The following ARRDC2 variants were observed in gnomAD, a reference collection of about 807,000 sequenced individuals.
The protein encoded by ARRDC2 is arrestin domain-containing protein 2.
A neutral mutation model predicts 38.9 loss-of-function variants in ARRDC2; 39 were observed. The observed-to-expected ratio is 1.00, with a 90% CI of 0.78 to 1.31. ARRDC2 has a LOEUF of 1.31. Ranked by LOEUF, ARRDC2 falls within the 50% of genes most tolerant of loss-of-function variation. ARRDC2 has a pLI of 0.00. For synonymous variants in ARRDC2, 300 were observed against 261.9 expected (o/e 1.15, Z -1.41); for missense variants, 553 against 588.4 (o/e 0.94, Z 0.62).
chr19:18,003,192 G>A (rs937887981), upstream of ARRDC2, among the ~76,000 whole-genome samples: 6 of 152,078 alleles, frequency 3.9e-5, no homozygotes, highest in Admixed American at 3.3e-4. Context: ...AGGCTGAAGC[G>A]GAAGGATTGC....
chr19:18,009,515 G>C (rs2033359523), intron 3 of ARRDC2, 77 bp from the exon 4 acceptor site: 2 of 1,322,200 alleles, frequency 1.5e-6, no homozygotes, highest in East Asian at 4.7e-5. Flanking sequence ...CCTCAGCTGG[G>C]GGTGGTTTGG....
At chr19:18,009,729 C>T in intron 4 of ARRDC2, 35 bp downstream of exon 4, 2 of 1,612,672 alleles carry the variant, frequency 1.2e-6, no homozygotes, top group Non-Finnish European at 1.7e-6. Flanking sequence ...GGGACGGGGG[C>T]TGGTGTTGGG....
upstream of ARRDC2, chr19:18,008,053 C>A: frequency 9.2e-7 from 1 of 1,082,640 alleles, no homozygotes; most frequent in Non-Finnish European, 1.2e-6. Flanking sequence ...CACGCCTGGG[C>A]AGAGCCACGC....
At position 18,010,403 on chromosome 19, in the gene ARRDC2, G is replaced by A. The variant is rs753074527; in HGVS notation, c.1012+45G>A. ...GCATGCAGAGGGTGGGTGGATACAC[G>A]GAGAGGTGGATGCCGGGTCAACTCT... On this transcript the variant is annotated intron_variant, in intron 6 of 7. Transcript: ENST00000222250. 1.7e-5 allele frequency: 27 copies of A among 1,587,288 alleles called. No individual in the cohort carries two copies. The South Asian group carries it at 2.0e-4, about 12-fold the overall frequency.
intron 7 of ARRDC2, among the ~76,000 whole-genome samples, chr19:18,012,147 C>T (rs1427962426): frequency 6.7e-5 from 10 of 150,108 alleles, no homozygotes; most frequent in African/African-American, 2.2e-4. Flanking sequence ...TTAGTAGAGA[C>T]GGGGTTTTGC....
upstream of ARRDC2, among the ~76,000 whole-genome samples, chr19:18,005,019 T>TAA (rs1568465358): frequency 1.4e-4 from 21 of 150,142 alleles, no homozygotes; most frequent in African/African-American, 4.7e-4. Flanking sequence ...AAAAAAAATT[T>TAA]TTTTTTTTTA....
chr19:18,005,217 A>G (rs1264391668), upstream of ARRDC2, among the ~76,000 whole-genome samples: 1 of 151,910 alleles, frequency 6.6e-6, no homozygotes, highest in East Asian at 1.9e-4. Context: ...GCCTTCAAGC[A>G]TCTGTTTAAC....
Position 18,013,052 on chromosome 19 carries a change from C to T in ARRDC2, c.*86C>T. On this transcript the variant is annotated 3_prime_UTR_variant, in exon 8 of 8. Transcript: ENST00000222250. ...GGGGAGTGGCTGGACCAAGGGCTGA[C>T]CTCCCCGACTGCATCAAAGTTGGGG... The T allele has an allele frequency of 7.1e-7, 1 of 1,417,834 alleles. No homozygotes were observed. Among genetic ancestry groups the T allele is most frequent in the Non-Finnish European group, 9.8e-7 (1 of 1,019,556 alleles). The allele number at this position is 1,417,834 out of a possible 1,614,324, so 87.8% of individuals were successfully genotyped here.
rs781531642 is a variant in ARRDC2, at chr19:18,008,358, G to T, written c.48G>T (p.Ala16=). 3 of 1,596,864 alleles carry T rather than the reference G, an allele frequency of 1.9e-6. No homozygotes were observed. Among genetic ancestry groups the T allele is most frequent in the Middle Eastern group, 1.7e-4 (1 of 6,048 alleles). Residue 16 remains alanine, a synonymous_variant, in exon 1 of 8, where the codon GCG becomes GCT. Transcript: ENST00000222250. ...CGTTCTCGGTGCAGTTGGACGGCGC[G>T]ACCGCGGGCGTCGAGCCCGTGTTTA... ...VKAFSVQLDG[A]TAGVEPVFSG...
Position 18,009,021 on chromosome 19 carries a change from T to C in ARRDC2, c.392T>C (p.Ile131Thr), listed in dbSNP as rs1285856961. The change falls in exon 3 of 8, where the codon ATC becomes ACC. Residue 131 changes from isoleucine (I) to threonine (T), a missense_variant. By Grantham distance (89) the Ile-to-Thr change is moderately conservative. This residue lies in a region of ARRDC2 where 447 missense variants were observed against 456.6 expected (regional missense o/e 0.98). Coordinates refer to ENST00000222250, the MANE Select transcript of ARRDC2 (RefSeq NM_015683.2). Reference sequence around the variant, plus strand: ...AAACACGGTAGTGTCCGCTACTGTATCAAGGCCACCCTGCACCGGCCCTGG... The same window carrying C: ...AAACACGGTAGTGTCCGCTACTGTACCAAGGCCACCCTGCACCGGCCCTGG... ...EGKHGSVRYC[I>T]KATLHRPWVP... 6.2e-7 allele frequency: 1 copy of C among 1,613,666 alleles called. No individual in the cohort carries two copies. The highest frequency in any genetic ancestry group is 1.1e-5 in the South Asian group (1 of 91,086).
chr19:18,012,618 C>T (rs1478895143), intron 7 of ARRDC2, among the ~76,000 whole-genome samples: 2 of 152,124 alleles, frequency 1.3e-5, no homozygotes, highest in Non-Finnish European at 2.9e-5. Context: ...ATAAAGTACA[C>T]AGGAGGATGG....
chr19:18,006,072 G>T (rs937581709), upstream of ARRDC2, among the ~76,000 whole-genome samples: 1 of 151,788 alleles, frequency 6.6e-6, no homozygotes, highest in East Asian at 2.0e-4. Flanking sequence ...ATGGGATGGC[G>T]GCCGGGAAGA....
upstream of ARRDC2, chr19:18,008,116 A>AGGGCG: frequency 3.8e-6 from 2 of 522,494 alleles, no homozygotes; most frequent in Non-Finnish European, 5.8e-6. Context: ...AGAGACGGTG[A>AGGGCG]CCCCACCCCC....
intron 1 of ARRDC2, among the ~76,000 whole-genome samples, chr19:18,002,679 G>C (rs2033203457): frequency 6.6e-6 from 1 of 152,214 alleles, no homozygotes; most frequent in East Asian, 1.9e-4. Context: ...GGTGGAAACA[G>C]AAGCAAGTGC....
At chr19:18,009,205 G>A (rs1599398553) in intron 3 of ARRDC2, 87 bp downstream of exon 3, 1 of 1,488,280 alleles carries the variant, frequency 6.7e-7, no homozygotes, top group East Asian at 2.4e-5. Context: ...CAATAAGATG[G>A]AGGTCATAGG....
upstream of ARRDC2, chr19:18,008,167 G>A (rs1454455296): frequency 8.1e-7 from 1 of 1,228,714 alleles, no homozygotes; most frequent in Non-Finnish European, 1.0e-6. Context: ...CGCACGGCGC[G>A]GGGATTTTCT....
chr19:18,001,310 G>C (rs1362932920), exon 1 of ARRDC2: 13 of 1,197,676 alleles, frequency 1.1e-5, no homozygotes, highest in Non-Finnish European at 1.2e-5. Context: ...CCCCAGCCGC[G>C]CGCCATGCGC....
In ARRDC2 at chr19:18,012,874, C is replaced by T. The variant is rs748519989; in HGVS notation, c.1171-39C>T. ...GAGCGGTATTTCTGAATTTCTGTTT[C>T]CAGTGTTCTCTGAGGCTTAATGGGA... On this transcript the variant is annotated intron_variant, in intron 7 of 7. Transcript: ENST00000222250. The T allele has an allele frequency of 1.8e-5, 29 of 1,597,066 alleles. No homozygotes were observed. The South Asian group carries it at 3.2e-4, about 18-fold the overall frequency.
chr19:18,006,188 G>C (rs1402661159), upstream of ARRDC2, among the ~76,000 whole-genome samples: 3 of 151,240 alleles, frequency 2.0e-5, no homozygotes, highest in Admixed American at 6.6e-5. Flanking sequence ...GACGATGGGC[G>C]GTCAGGCAGA....
Sources: allele counts gnomAD v4.1 joint callset (sites outside exome capture counted in the v4.1 genomes callset), GRCh38; gene constraint gnomAD v4.1.1; regional missense constraint gnomAD v4.1.1; transcripts MANE v1.5; gene names NCBI Gene and HGNC (gene_info 2026-07-23, HGNC 2026-07-21).